Variants in ACADSB observed in about 807,000 individuals in gnomAD.
The protein encoded by ACADSB is acyl-CoA dehydrogenase short/branched chain.
Under a neutral mutation model 54.1 loss-of-function variants are expected in ACADSB, and 40 were observed. The observed-to-expected ratio is 0.74, with a 90% CI of 0.57 to 0.96. ACADSB has a LOEUF of 0.96. Among genes scored for constraint, ACADSB ranks in the 40% least tolerant of loss-of-function variants. ACADSB has a pLI of 0.00. For synonymous variants in ACADSB, 182 were observed against 182.8 expected (o/e 1.00, Z 0.03); for missense variants, 530 against 510.4 (o/e 1.04, Z -0.37).
At chr10:123,021,613 C>T (rs1025814799) in intron 1 of ACADSB, among the ~76,000 whole-genome samples, 3 of 152,300 alleles carry the variant, frequency 2.0e-5, no homozygotes, top group Admixed American at 1.3e-4. Context: ...ATATAAACAT[C>T]ACACGCATAA....
intron 1 of ACADSB, among the ~76,000 whole-genome samples, chr10:123,015,936 A>G (rs1850104568): frequency 6.6e-6 from 1 of 152,224 alleles, no homozygotes; most frequent in Non-Finnish European, 1.5e-5. Context: ...AAAGGAAGAC[A>G]TGTTAATAAA....
intron 2 of ACADSB, among the ~76,000 whole-genome samples, chr10:123,036,481 GT>G (rs1405205234): frequency 7.2e-5 from 11 of 152,186 alleles, no homozygotes; most frequent in Non-Finnish European, 1.5e-4. Context: ...TGAGTGGTTA[GT>G]TTACATAAAT....
intron 2 of ACADSB, among the ~76,000 whole-genome samples, chr10:123,036,949 T>TATTA (rs1182323535): frequency 6.6e-6 from 1 of 152,238 alleles, no homozygotes; most frequent in Non-Finnish European, 1.5e-5. Flanking sequence ...ATTACATTGG[T>TATTA]AGTAAACTTA....
intron 8 of ACADSB, among the ~76,000 whole-genome samples, chr10:123,048,218 A>T (rs1242230794): frequency 6.6e-6 from 1 of 152,192 alleles, no homozygotes; most frequent in Non-Finnish European, 1.5e-5. Flanking sequence ...ATGACTAGGC[A>T]TCCTACGAGC....
rs527469131 is a variant in ACADSB at position 123,038,285 on chromosome 10, GA to G, written c.303+441del. ...TTATCCAACCCAATGCCACCATGAA[GA>G]AACCCTACTTTAGATAGTGAAACTT... On this transcript the variant is annotated intron_variant, in intron 3 of 10. Transcript: ENST00000358776. 5.9e-5 allele frequency among the ~76,000 whole-genome samples: 9 copies of G among 152,288 alleles called. No individual in the cohort carries two copies. The South Asian group carries it at 1.9e-3, about 32-fold the overall frequency.
chr10:123,046,876 T>C (rs576259139), intron 7 of ACADSB, among the ~76,000 whole-genome samples: 115 of 152,212 alleles, frequency 7.6e-4, no homozygotes, highest in Non-Finnish European at 1.4e-3. Context: ...ATTTTATACC[T>C]GGAGAATCAA....
chr10:123,020,893 C>T (rs1850175895), intron 1 of ACADSB, among the ~76,000 whole-genome samples: 1 of 152,172 alleles, frequency 6.6e-6, no homozygotes, highest in African/African-American at 2.4e-5. Flanking sequence ...ATCCTAGCTA[C>T]TCAGGAGGCT....
At chr10:123,038,927 A>G (rs1387862713) in intron 3 of ACADSB, among the ~76,000 whole-genome samples, 1 of 152,316 alleles carries the variant, frequency 6.6e-6, no homozygotes, top group East Asian at 1.9e-4. Context: ...TTCTGGGAGC[A>G]GTCTCACGGT....
At chr10:123,047,005 A>C (rs1010542456) in intron 7 of ACADSB, among the ~76,000 whole-genome samples, 3 of 152,194 alleles carry the variant, frequency 2.0e-5, no homozygotes, top group African/African-American at 7.2e-5. Context: ...GAAATCACTC[A>C]AAATTTTCTC....
At chr10:123,022,481 T>C (rs930159077) in intron 1 of ACADSB, among the ~76,000 whole-genome samples, 1 of 152,200 alleles carries the variant, frequency 6.6e-6, no homozygotes, top group African/African-American at 2.4e-5. Context: ...ATTTTAGAGC[T>C]AACTATGACA....
rs1429085077 is a variant in ACADSB, at chr10:123,052,243, G to T, written c.1129-818G>T. 1.3e-5 allele frequency among the ~76,000 whole-genome samples: 2 copies of T among 152,196 alleles called. No individual in the cohort carries two copies. The highest frequency in any genetic ancestry group is 2.9e-5 in the Non-Finnish European group (2 of 68,024). ...TGTCACTTCTAGAGGTCAGAAATCT[G>T]AAATGGGTCTCACTGGAATACAGGG... On this transcript the variant is annotated intron_variant, in intron 9 of 10. Coordinates refer to ENST00000358776, the MANE Select transcript of ACADSB (RefSeq NM_001609.4). This position sits in a 1 kb window ranked among gnomAD's most constrained non-coding sequence, Gnocchi z 4.2.
intron 1 of ACADSB, among the ~76,000 whole-genome samples, chr10:123,028,021 C>T (rs1409277868): frequency 6.6e-6 from 1 of 152,180 alleles, no homozygotes; most frequent in African/African-American, 2.4e-5. Context: ...TAAGTCCTTA[C>T]TCCTCAGTCC....
At chr10:123,051,212 A>G in intron 9 of ACADSB, 26 bp downstream of exon 9, 5 of 1,328,738 alleles carry the variant, frequency 3.8e-6, no homozygotes, top group South Asian at 2.8e-5. Flanking sequence ...AAAAAAAAAA[A>G]GGAAAAAGTA....
At chr10:123,028,691 A>G (rs1281713347) in intron 1 of ACADSB, among the ~76,000 whole-genome samples, 1 of 152,162 alleles carries the variant, frequency 6.6e-6, no homozygotes, top group African/African-American at 2.4e-5. Context: ...AATGAAAATG[A>G]AATCCCAAAG....
chr10:123,012,935 C>T (rs539466278), intron 1 of ACADSB, among the ~76,000 whole-genome samples: 1 of 152,282 alleles, frequency 6.6e-6, no homozygotes, highest in Non-Finnish European at 1.5e-5. Context: ...GGTGCATTTA[C>T]AATCCCTGAG....
At chr10:123,036,538 T>C (rs975975268) in intron 2 of ACADSB, among the ~76,000 whole-genome samples, 1 of 152,250 alleles carries the variant, frequency 6.6e-6, no homozygotes, top group Non-Finnish European at 1.5e-5. Flanking sequence ...TTCAGTCTTA[T>C]TTATTTCTTT....
chr10:123,051,887 C>G (rs1850637997), intron 9 of ACADSB, among the ~76,000 whole-genome samples: 2 of 152,198 alleles, frequency 1.3e-5, no homozygotes, highest in African/African-American at 2.4e-5. Context: ...TGAGCGTCAT[C>G]TTGGCACCCT....
intron 1 of ACADSB, among the ~76,000 whole-genome samples, chr10:123,032,245 C>T (rs1850336587): frequency 6.6e-6 from 1 of 152,030 alleles, no homozygotes; most frequent in Non-Finnish European, 1.5e-5. Flanking sequence ...TCCCAAAGTG[C>T]TCGGACTACA....
intron 2 of ACADSB, among the ~76,000 whole-genome samples, chr10:123,037,144 C>G (rs966438823): frequency 6.6e-6 from 1 of 152,180 alleles, no homozygotes; most frequent in South Asian, 2.1e-4. Flanking sequence ...GGGCCGTGGC[C>G]GGGCTGCTGC....
Sources: allele counts gnomAD v4.1 joint callset (sites outside exome capture counted in the v4.1 genomes callset), GRCh38; gene constraint gnomAD v4.1.1; non-coding constraint Gnocchi (gnomAD v3.1); transcripts MANE v1.5; gene names NCBI Gene and HGNC (gene_info 2026-07-23, HGNC 2026-07-21).